Variants in MED12L observed in about 807,000 individuals in gnomAD.
The protein encoded by MED12L is mediator complex subunit 12L.
MED12L carries 60 observed loss-of-function variants against 281.3 expected under a neutral mutation model. That is an observed-to-expected ratio of 0.21 (90% CI 0.17 to 0.26). The LOEUF (loss-of-function observed/expected upper bound fraction) is 0.26, where lower values mean the gene tolerates loss of function less well. Ranked by LOEUF, MED12L falls within the 10% of genes least tolerant of loss-of-function variation. The probability of loss-of-function intolerance (pLI) is 1.00; values close to 1 mark genes in which losing one functional copy is unlikely to be tolerated. For missense variants in MED12L, 2,146 were observed against 2,680.9 expected (o/e 0.80, Z 4.41); for synonymous variants, 974 against 987.2 (o/e 0.99, Z 0.25).
chr3:151,328,482 T>C, intron 16 of MED12L: 1 of 1,614,062 alleles, frequency 6.2e-7, no homozygotes, highest in Non-Finnish European at 8.5e-7. Context: ...GCACACTTTT[T>C]CACAGACGAT....
At chr3:151,105,662 T>G (rs1488997918) in intron 2 of MED12L, among the ~76,000 whole-genome samples, 1 of 152,208 alleles carries the variant, frequency 6.6e-6, no homozygotes, top group East Asian at 1.9e-4. Context: ...GGGTCTGTCT[T>G]AGGTCCTGGT....
intron 13 of MED12L, 99 bp from the exon 14 acceptor site, chr3:151,190,618 A>G (rs562531586): frequency 1.5e-5 from 16 of 1,088,458 alleles, no homozygotes; most frequent in African/African-American, 7.9e-5. Flanking sequence ...TTCCCCAGAA[A>G]AGTTGATTGT....
chr3:151,387,774 C>G, intron 36 of MED12L, 36 bp from the exon 37 acceptor site: 1 of 1,562,090 alleles, frequency 6.4e-7, no homozygotes, highest in Non-Finnish European at 8.7e-7. Flanking sequence ...AGGAAAAGAT[C>G]TGAGTGTGCT....
chr3:151,318,030 A>G (rs746728111), intron 16 of MED12L, among the ~76,000 whole-genome samples: 3 of 152,198 alleles, frequency 2.0e-5, no homozygotes, highest in Non-Finnish European at 4.4e-5. Context: ...ACAGAAAAAC[A>G]AATGGGTGTT....
At chr3:151,242,761 A>G (rs1734472432) in intron 16 of MED12L, among the ~76,000 whole-genome samples, 2 of 152,208 alleles carry the variant, frequency 1.3e-5, no homozygotes, top group South Asian at 2.1e-4. Context: ...ACAAAGCTGG[A>G]TGGAGAATGA....
chr3:151,172,093 G>T (rs141214001), intron 11 of MED12L, among the ~76,000 whole-genome samples: 2 of 152,178 alleles, frequency 1.3e-5, no homozygotes, highest in Non-Finnish European at 2.9e-5. Flanking sequence ...AGTCTTAGAC[G>T]AATGCTTAGA....
At chr3:151,101,158 G>A (rs1053700856) in intron 2 of MED12L, among the ~76,000 whole-genome samples, 14 of 152,084 alleles carry the variant, frequency 9.2e-5, no homozygotes, top group African/African-American at 3.4e-4. Context: ...GTTAATGTCG[G>A]TTTACCTACC....
rs2108516532 is a variant in MED12L at position 151,436,510 on chromosome 3, T to G, written c.*3706T>G. The G allele has an allele frequency of 2.0e-6, 1 of 494,668 alleles. No homozygotes were observed. Among genetic ancestry groups the G allele is most frequent in the Middle Eastern group, 5.3e-4 (1 of 1,874 alleles). 30.6% of individuals were successfully genotyped at this position (494,668 alleles called of 1,614,324 possible). On this transcript the variant is annotated 3_prime_UTR_variant, in exon 45 of 45. Transcript: ENST00000687756. ...AAAGTTTGTTTTGAGATCCATTAAA[T>G]AAATCAGTATCATCAGTTCATAATG... is the stretch of plus-strand genomic sequence containing the variant.
intron 31 of MED12L, among the ~76,000 whole-genome samples, chr3:151,378,398 C>T (rs747752214): frequency 1.3e-5 from 2 of 152,150 alleles, no homozygotes; most frequent in Admixed American, 6.5e-5. Flanking sequence ...CAAATCACTG[C>T]TGAACTGTTA....
intron 16 of MED12L, among the ~76,000 whole-genome samples, chr3:151,204,635 T>A (rs1205322095): frequency 6.6e-6 from 1 of 152,210 alleles, no homozygotes; most frequent in Non-Finnish European, 1.5e-5. Flanking sequence ...AGAAAAGATA[T>A]ATTTGCAGAC....
chr3:151,199,907 G>C (rs536463144), intron 16 of MED12L, among the ~76,000 whole-genome samples: 8 of 152,058 alleles, frequency 5.3e-5, no homozygotes, highest in African/African-American at 1.9e-4. Flanking sequence ...GGCTGACAGG[G>C]GAAGTAAGGA....
intron 16 of MED12L, among the ~76,000 whole-genome samples, chr3:151,343,238 C>G (rs1752098291): frequency 6.6e-6 from 1 of 152,100 alleles, no homozygotes; most frequent in African/African-American, 2.4e-5. Flanking sequence ...TGAAACAAGG[C>G]TTATTCAAGA....
At position 151,221,910 on chromosome 3, in the gene MED12L, C is replaced by T. The variant is rs192931304; in HGVS notation, c.2250+28244C>T. ...TAGTAGATCCCCTGACAGCTTGCAC[C>T]GCTGGTCTGGAAAAGTTGCAGATAC... On this transcript the variant is annotated intron_variant, in intron 16 of 44. Coordinates refer to ENST00000687756, the MANE Select transcript of MED12L (RefSeq NM_001393769.1). Among the ~76,000 whole-genome samples, 12 of 152,280 alleles carry T rather than the reference C, an allele frequency of 7.9e-5. No homozygotes were observed. In the East Asian group the frequency reaches 9.7e-4, roughly 12 times the overall value.
At position 151,372,534 on chromosome 3, in the gene MED12L, CTGTGATTTTGCTTT is replaced by C. The variant is rs1560092610; in HGVS notation, c.3665-25_3665-12del. 1 of 1,548,682 alleles carries C rather than the reference CTGTGATTTTGCTTT, an allele frequency of 6.5e-7. No homozygotes were observed. Among genetic ancestry groups the C allele is most frequent in the South Asian group, 1.1e-5 (1 of 89,538 alleles). On this transcript the variant is annotated intron_variant, in intron 26 of 44. Transcript: ENST00000687756. ...AATTATTTGGCAATATTTTGAACTT[CTGTGATTTTGCTTT>C]TGTGATTCTATTACTTAGGAGATGC...
chr3:151,350,039 A>C lies in MED12L; in HGVS notation c.2251-20A>C. ...CACCCCTGCAGACAAGAGTTTCAGA[A>C]TGCATTTTCTGTTTTTCAGGATGAA... On this transcript the variant is annotated intron_variant, in intron 16 of 44. Coordinates refer to ENST00000687756, the MANE Select transcript of MED12L (RefSeq NM_001393769.1). The C allele has an allele frequency of 6.2e-7, 1 of 1,601,946 alleles. No individual in the cohort carries two copies. Among genetic ancestry groups the C allele is most frequent in the Non-Finnish European group, 8.5e-7 (1 of 1,172,048 alleles).
intron 16 of MED12L, among the ~76,000 whole-genome samples, chr3:151,194,428 A>C (rs1412596979): frequency 6.6e-6 from 1 of 152,206 alleles, no homozygotes; most frequent in Non-Finnish European, 1.5e-5. Context: ...ACAAACATCT[A>C]TAAATGGCAA....
At chr3:151,235,565 G>A (rs1414702736) in intron 16 of MED12L, among the ~76,000 whole-genome samples, 2 of 152,030 alleles carry the variant, frequency 1.3e-5, no homozygotes, top group Non-Finnish European at 1.5e-5. Flanking sequence ...TTAGCTGGGC[G>A]TGCCTGTAAT....
At chr3:151,412,172 C>T (rs922367505) in intron 41 of MED12L, among the ~76,000 whole-genome samples, 1 of 152,204 alleles carries the variant, frequency 6.6e-6, no homozygotes, top group African/African-American at 2.4e-5. Flanking sequence ...CAGTGGTAGC[C>T]AAATGTGGCC....
intron 39 of MED12L, among the ~76,000 whole-genome samples, chr3:151,396,742 A>G (rs948616981): frequency 3.3e-5 from 5 of 152,194 alleles, no homozygotes; most frequent in African/African-American, 1.2e-4. Flanking sequence ...GCCCACTTTC[A>G]AACTGTTACT....
Sources: allele counts gnomAD v4.1 joint callset (sites outside exome capture counted in the v4.1 genomes callset), GRCh38; gene constraint gnomAD v4.1.1; transcripts MANE v1.5; gene names NCBI Gene and HGNC (gene_info 2026-07-23, HGNC 2026-07-21).